ARMH3: variants seen among roughly 807,000 people sequenced by gnomAD.
ARMH3 encodes armadillo like helical domain containing 3.
Under a neutral mutation model 99.1 loss-of-function variants are expected in ARMH3, and 60 were observed. The ratio of observed to expected loss-of-function variants is 0.61; its 90% CI spans 0.49 to 0.75. The LOEUF is 0.75. Ranked by LOEUF, ARMH3 falls within the 30% of genes least tolerant of loss-of-function variation. ARMH3 has a pLI of 0.00. For synonymous variants in ARMH3, 285 were observed against 292.8 expected (o/e 0.97, Z 0.27); for missense variants, 679 against 843.1 (o/e 0.81, Z 2.41).
At chr10:101,891,558 C>G (rs563243296) in intron 23 of ARMH3, among the ~76,000 whole-genome samples, 56 of 152,132 alleles carry the variant, frequency 3.7e-4, no homozygotes, top group Non-Finnish European at 6.6e-4. Flanking sequence ...TCACAAATCA[C>G]TGGGGAGATA....
intron 18 of ARMH3, 62 bp downstream of exon 18, chr10:101,991,907 T>A (rs1161732207): frequency 8.3e-6 from 12 of 1,446,274 alleles, no homozygotes; most frequent in Non-Finnish European, 1.2e-5. Flanking sequence ...CTACTCTTCA[T>A]CTTCATCATG....
chr10:101,885,962 C>G (rs2067530456), intron 24 of ARMH3, among the ~76,000 whole-genome samples: 1 of 151,588 alleles, frequency 6.6e-6, no homozygotes, highest in African/African-American at 2.4e-5. Context: ...GAGGCTGACG[C>G]AGGAGAATTG....
chr10:101,901,181 C>T (rs1251243510), intron 23 of ARMH3, among the ~76,000 whole-genome samples: 1 of 148,828 alleles, frequency 6.7e-6, no homozygotes, highest in Non-Finnish European at 1.5e-5. Context: ...GTCAAGATTT[C>T]CCAGTGGTCC....
intron 25 of ARMH3, 37 bp downstream of exon 25, chr10:101,849,739 G>T: frequency 1.3e-6 from 2 of 1,562,834 alleles, no homozygotes; most frequent in Non-Finnish European, 1.8e-6. Context: ...CTGGGGGCGG[G>T]CCCCTAAGAC....
chr10:101,955,534 A>G (rs1844990180), intron 22 of ARMH3, among the ~76,000 whole-genome samples: 1 of 152,188 alleles, frequency 6.6e-6, no homozygotes, highest in Non-Finnish European at 1.5e-5. Context: ...AGAAAAAAAA[A>G]TATTTTCCTC....
chr10:101,989,984 C>T (rs1481986209), intron 19 of ARMH3, among the ~76,000 whole-genome samples: 3 of 152,168 alleles, frequency 2.0e-5, no homozygotes, highest in African/African-American at 7.2e-5. Context: ...CCTGCGATCA[C>T]TATATTCATG....
chr10:102,002,768 C>A (rs1333382755), intron 14 of ARMH3, among the ~76,000 whole-genome samples: 1 of 151,844 alleles, frequency 6.6e-6, no homozygotes, highest in Admixed American at 6.6e-5. Flanking sequence ...CGAGGTCAGC[C>A]TGGCCAACAT....
intron 5 of ARMH3, among the ~76,000 whole-genome samples, chr10:102,027,150 A>G: frequency 6.6e-6 from 1 of 152,076 alleles, no homozygotes; most frequent in East Asian, 1.9e-4. Context: ...GTGGTGGCGC[A>G]TGCCTGTAAT....
chr10:101,914,000 T>C (rs1193027491), intron 23 of ARMH3, among the ~76,000 whole-genome samples: 1 of 152,188 alleles, frequency 6.6e-6, no homozygotes, highest in Non-Finnish European at 1.5e-5. Flanking sequence ...AATCTTGCCA[T>C]GTGGTAGTAC....
At chr10:102,049,471 G>A (rs951730109) in intron 1 of ARMH3, among the ~76,000 whole-genome samples, 1 of 152,070 alleles carries the variant, frequency 6.6e-6, no homozygotes, top group African/African-American at 2.4e-5. Flanking sequence ...GAACCCAGGA[G>A]GCGGAGGTTG....
At chr10:101,867,815 G>A (rs914783761) in intron 24 of ARMH3, among the ~76,000 whole-genome samples, 3 of 151,734 alleles carry the variant, frequency 2.0e-5, no homozygotes, top group Non-Finnish European at 2.9e-5. Flanking sequence ...TTGTATGACA[G>A]AGTGAGACCC....
chr10:101,996,883 T>C (rs1188153597), intron 15 of ARMH3, among the ~76,000 whole-genome samples: 4 of 152,162 alleles, frequency 2.6e-5, no homozygotes, highest in Non-Finnish European at 5.9e-5. Context: ...GTATCTATTA[T>C]AAAGGTTGAG....
chr10:102,021,608 T>C (rs1032265228), intron 8 of ARMH3, among the ~76,000 whole-genome samples: 2 of 151,264 alleles, frequency 1.3e-5, no homozygotes, highest in African/African-American at 4.9e-5. Flanking sequence ...AGTGCAGTGG[T>C]GCAATCTCCA....
chr10:101,874,464 C>T (rs1375001174), intron 24 of ARMH3, among the ~76,000 whole-genome samples: 1 of 152,164 alleles, frequency 6.6e-6, no homozygotes, highest in Non-Finnish European at 1.5e-5. Context: ...TCCCATTGTG[C>T]TCTTCCCCAC....
In ARMH3 at chr10:101,975,866, A is replaced by G. The variant is rs1417882447; in HGVS notation, c.1407-566T>C. Among the ~76,000 whole-genome samples, 6 of 149,780 alleles carry G rather than the reference A, an allele frequency of 4.0e-5. No individual in the cohort carries two copies. The East Asian group carries it at 1.2e-3, about 30-fold the overall frequency. ...CAGAGCGAGATTACATCTCAAAAAA[A>G]AAAATAGGCTGGGCACGGTGGCTCA... On this transcript the variant is annotated intron_variant, in intron 19 of 25. Coordinates refer to ENST00000370033, the MANE Select transcript of ARMH3 (RefSeq NM_024541.3).
At chr10:101,947,604 C>T (rs980898322) in intron 22 of ARMH3, among the ~76,000 whole-genome samples, 1 of 152,020 alleles carries the variant, frequency 6.6e-6, no homozygotes, top group Non-Finnish European at 1.5e-5. Context: ...AGTTCAAAAC[C>T]AGCCTGACCA....
At chr10:101,854,496 G>C (rs1017722024) in intron 24 of ARMH3, among the ~76,000 whole-genome samples, 1 of 152,054 alleles carries the variant, frequency 6.6e-6, no homozygotes, top group African/African-American at 2.4e-5. Flanking sequence ...ACAACTTCTG[G>C]GTTCAAGTGG....
intron 24 of ARMH3, among the ~76,000 whole-genome samples, chr10:101,887,592 CTTTT>C (rs34624064): frequency 1.0e-5 from 1 of 96,844 alleles, no homozygotes; most frequent in Admixed American, 1.2e-4. Flanking sequence ...CTCTCTCTCT[CTTTT>C]TTTTTTTTTT....
chr10:101,911,810 T>C (rs901247374), intron 23 of ARMH3, among the ~76,000 whole-genome samples: 1 of 150,616 alleles, frequency 6.6e-6, no homozygotes, highest in Non-Finnish European at 1.5e-5. Context: ...GCAAGGCGGG[T>C]GGATCACTTG....
Sources: gnomAD v4.1 joint callset for allele counts (sites outside exome capture counted in the v4.1 genomes callset) on GRCh38, gnomAD v4.1.1 for gene constraint, MANE v1.5 for transcripts, NCBI Gene and HGNC (gene_info 2026-07-23, HGNC 2026-07-21) for gene names.